PHACTR3: variants seen among roughly 807,000 people sequenced by gnomAD.
PHACTR3 encodes protein phosphatase 1, regulatory subunit 123.
Under a neutral mutation model 66.8 loss-of-function variants are expected in PHACTR3, and 16 were observed. That is an observed-to-expected ratio of 0.24 (90% CI 0.16 to 0.36). The LOEUF is 0.36. Among genes scored for constraint, PHACTR3 ranks in the 10% least tolerant of loss-of-function variants. The pLI is 1.00. For missense variants in PHACTR3, 647 were observed against 719.9 expected, an observed-to-expected ratio of 0.90 and a Z score of 1.16; for synonymous variants, 323 against 292.1, an observed-to-expected ratio of 1.11 and a Z score of -1.08.
At chr20:59,824,072 C>CA (rs2042119657) in intron 8 of PHACTR3, among the ~76,000 whole-genome samples, 1 of 152,212 alleles carries the variant, frequency 6.6e-6, no homozygotes. Context: ...CAACCGGTAT[C>CA]TAAGGCCTTC....
chr20:59,715,023 A>G (rs774200767), intron 1 of PHACTR3, among the ~76,000 whole-genome samples: 1 of 152,194 alleles, frequency 6.6e-6, no homozygotes, highest in Non-Finnish European at 1.5e-5. Flanking sequence ...TGGACTTCCT[A>G]TGTAAGAAAC....
intron 3 of PHACTR3, among the ~76,000 whole-genome samples, chr20:59,754,177 C>T (rs2039701471): frequency 2.0e-5 from 3 of 152,252 alleles, no homozygotes; most frequent in South Asian, 4.1e-4. Flanking sequence ...AGTTGGGTAA[C>T]TGAGCCATTT....
chr20:59,623,723 G>A (rs972052695), intron 1 of PHACTR3, among the ~76,000 whole-genome samples: 2 of 152,216 alleles, frequency 1.3e-5, no homozygotes, highest in Admixed American at 6.5e-5. Flanking sequence ...GAGGAACAGC[G>A]GATGTGGTGG....
chr20:59,783,086 A>G (rs2040782005), intron 7 of PHACTR3, among the ~76,000 whole-genome samples: 1 of 152,148 alleles, frequency 6.6e-6, no homozygotes. Context: ...GCTTCTGTAA[A>G]GTGAAGAGCC....
At chr20:59,707,818 A>G (rs985192166) in intron 1 of PHACTR3, among the ~76,000 whole-genome samples, 3 of 152,006 alleles carry the variant, frequency 2.0e-5, no homozygotes, top group East Asian at 1.9e-4. Flanking sequence ...ACCTTCCACC[A>G]TGAGTGGAAC....
chr20:59,669,638 T>C (rs2036123526), intron 1 of PHACTR3, among the ~76,000 whole-genome samples: 1 of 152,220 alleles, frequency 6.6e-6, no homozygotes, highest in Non-Finnish European at 1.5e-5. Context: ...CATTTTCCTT[T>C]CCCCCGGCCC....
intron 1 of PHACTR3, among the ~76,000 whole-genome samples, chr20:59,716,278 G>A (rs1041128418): frequency 7.1e-5 from 10 of 140,746 alleles, no homozygotes; most frequent in South Asian, 2.4e-4. Context: ...ACAGAGTCTC[G>A]TTCTGTTGCC....
At chr20:59,586,562 T>C (rs1244213172) in intron 1 of PHACTR3, among the ~76,000 whole-genome samples, 1 of 152,178 alleles carries the variant, frequency 6.6e-6, no homozygotes, top group Non-Finnish European at 1.5e-5. Flanking sequence ...ATTGGGATGA[T>C]AAAAAATAAG....
Position 59,736,800 on chromosome 20 carries a change from C to T in PHACTR3, c.119-6307C>T, listed in dbSNP as rs2038961383. On this transcript the variant is annotated intron_variant, in intron 1 of 12. Transcript: ENST00000371015. The surrounding 1 kb of genome is among the most constrained non-coding windows in gnomAD (Gnocchi z 4.6). ...TCTCTTCTTGGGCGGAGAGTCATAG[C>T]TCTCACAAGCCCTCCCCTGGCACAG... is the stretch of plus-strand genomic sequence containing the variant. 6.6e-6 allele frequency among the ~76,000 whole-genome samples: 1 copy of T among 152,150 alleles called. No individual in the cohort carries two copies. The highest frequency in any genetic ancestry group is 1.5e-5 in the Non-Finnish European group (1 of 68,018).
At chr20:59,588,416 C>G (rs1329066193) in intron 1 of PHACTR3, among the ~76,000 whole-genome samples, 1 of 152,182 alleles carries the variant, frequency 6.6e-6, no homozygotes, top group East Asian at 1.9e-4. Context: ...CCCCCTGGTC[C>G]CTGGGGCCAT....
chr20:59,732,659 C>G (rs755041876), intron 1 of PHACTR3, among the ~76,000 whole-genome samples: 1 of 152,062 alleles, frequency 6.6e-6, no homozygotes, highest in Admixed American at 6.6e-5. Context: ...AGAGGTGGCT[C>G]GGGAATTGCA....
chr20:59,667,651 A>C (rs1601047167), intron 1 of PHACTR3, among the ~76,000 whole-genome samples: 1 of 152,172 alleles, frequency 6.6e-6, no homozygotes, highest in Admixed American at 6.5e-5. Context: ...ATCACAACTC[A>C]CCAGATTTTC....
At chr20:59,653,119 A>T (rs2035509095) in intron 1 of PHACTR3, among the ~76,000 whole-genome samples, 1 of 152,196 alleles carries the variant, frequency 6.6e-6, no homozygotes, top group Non-Finnish European at 1.5e-5. Context: ...TATTCTTATA[A>T]TTGAAGACAG....
chr20:59,827,530 C>T (rs1161947323), intron 8 of PHACTR3, among the ~76,000 whole-genome samples: 1 of 152,090 alleles, frequency 6.6e-6, no homozygotes, highest in African/African-American at 2.4e-5. Flanking sequence ...CCTGGCTAGC[C>T]CCCTCACATA....
intron 8 of PHACTR3, among the ~76,000 whole-genome samples, chr20:59,824,219 G>A (rs962385772): frequency 3.9e-5 from 6 of 152,066 alleles, no homozygotes; most frequent in African/African-American, 1.2e-4. Flanking sequence ...GAGTAACTGG[G>A]GACTGGGACC....
intron 1 of PHACTR3, among the ~76,000 whole-genome samples, chr20:59,704,812 ATTATGAG>A (rs528555242): frequency 2.6e-5 from 4 of 152,030 alleles, no homozygotes; most frequent in Admixed American, 6.6e-5. Flanking sequence ...CAAGAAGAAT[ATTATGAG>A]TTATATCAGA....
chr20:59,731,562 AC>A (rs1165231291), intron 1 of PHACTR3, among the ~76,000 whole-genome samples: 1 of 152,210 alleles, frequency 6.6e-6, no homozygotes, highest in East Asian at 1.9e-4. Context: ...TGGAAAACTG[AC>A]CATATGTCTG....
intron 1 of PHACTR3, among the ~76,000 whole-genome samples, chr20:59,636,754 GT>G (rs1485914678): frequency 1.3e-5 from 2 of 152,162 alleles, no homozygotes; most frequent in African/African-American, 4.8e-5. Context: ...AATGATGGCT[GT>G]TTTCTGTACT....
intron 7 of PHACTR3, among the ~76,000 whole-genome samples, chr20:59,785,666 G>A (rs2040880018): frequency 6.6e-6 from 1 of 152,216 alleles, no homozygotes; most frequent in Non-Finnish European, 1.5e-5. Flanking sequence ...CATATAGTCA[G>A]TCAAGAGCGT....
Sources: gnomAD v4.1 joint callset for allele counts (sites outside exome capture counted in the v4.1 genomes callset) on GRCh38, gnomAD v4.1.1 for gene constraint, Gnocchi (gnomAD v3.1) non-coding constraint, MANE v1.5 for transcripts, NCBI Gene and HGNC (gene_info 2026-07-23, HGNC 2026-07-21) for gene names.